The following CABLES1 variants were observed in gnomAD, a reference collection of about 807,000 sequenced individuals.
The protein encoded by CABLES1 is CDK5 and ABL1 enzyme substrate 1.
In CABLES1, 36 loss-of-function variants were observed where a neutral mutation model predicts 57.8. That is an observed-to-expected ratio of 0.62 (90% CI 0.48 to 0.82). CABLES1 has a LOEUF of 0.82. Among genes scored for constraint, CABLES1 ranks in the 40% least tolerant of loss-of-function variants. CABLES1 has a pLI of 0.00. For synonymous variants in CABLES1, 374 were observed against 363.0 expected (o/e 1.03, Z -0.35); for missense variants, 767 against 836.6 (o/e 0.92, Z 1.03).
At chr18:23,157,617 G>A (rs1000676504) in intron 1 of CABLES1, among the ~76,000 whole-genome samples, 6 of 152,144 alleles carry the variant, frequency 3.9e-5, no homozygotes, top group Non-Finnish European at 7.3e-5. Context: ...TTAAATGATG[G>A]AATTTAAATG....
intron 1 of CABLES1, among the ~76,000 whole-genome samples, chr18:23,171,067 A>T (rs1046172160): frequency 1.3e-5 from 2 of 152,168 alleles, no homozygotes; most frequent in Non-Finnish European, 2.9e-5. Flanking sequence ...AAGTGTTGGG[A>T]TTGTAGGCGT....
chr18:23,153,180 C>G (rs1414691244), intron 1 of CABLES1, among the ~76,000 whole-genome samples: 1 of 151,968 alleles, frequency 6.6e-6, no homozygotes, highest in Non-Finnish European at 1.5e-5. Flanking sequence ...ACTGCAGCCT[C>G]GACCTCCTGG....
chr18:23,212,748 G>A (rs1183056591), intron 3 of CABLES1, among the ~76,000 whole-genome samples: 8 of 152,106 alleles, frequency 5.3e-5, no homozygotes, highest in Admixed American at 5.2e-4. Flanking sequence ...CGTCTGAATG[G>A]GGAATTGGAG....
chr18:23,254,663 T>A (rs2048119732), intron 9 of CABLES1, among the ~76,000 whole-genome samples: 1 of 152,194 alleles, frequency 6.6e-6, no homozygotes, highest in African/African-American at 2.4e-5. Context: ...GTTGCTTCAG[T>A]TCTGGTGAGG....
At chr18:23,221,220 A>G (rs2047484520) in intron 4 of CABLES1, among the ~76,000 whole-genome samples, 1 of 152,262 alleles carries the variant, frequency 6.6e-6, no homozygotes, top group Non-Finnish European at 1.5e-5. Context: ...GATTTGTGGC[A>G]GGGCCACAGA....
chr18:23,257,482 C>G lies in CABLES1; in HGVS notation c.*115C>G, dbSNP rs565795548. On this transcript the variant is annotated 3_prime_UTR_variant, in exon 10 of 10. Transcript: ENST00000256925. ...CAGAATACCAGACTTTTCTTCCTCT[C>G]GACATAGTTTGGGGAGAAGCAGTAC... 8 of 1,209,764 alleles carry G rather than the reference C, an allele frequency of 6.6e-6. No homozygotes were observed. In the African/African-American group the frequency reaches 1.2e-4, roughly 19 times the overall value. 74.9% of individuals were successfully genotyped at this position (1,209,764 alleles called of 1,614,324 possible). A position where few individuals can be genotyped will look rare whatever the true frequency, so the allele number is the denominator to read the frequency against.
intron 1 of CABLES1, among the ~76,000 whole-genome samples, chr18:23,171,420 A>G (rs2047081461): frequency 6.6e-6 from 1 of 152,182 alleles, no homozygotes; most frequent in Non-Finnish European, 1.5e-5. Flanking sequence ...TCTGTCCCAG[A>G]GTGATGGAGG....
chr18:23,135,822 C>G lies in CABLES1; in HGVS notation c.60C>G (p.Thr20=). 3 of 973,210 alleles carry G rather than the reference C, an allele frequency of 3.1e-6. No homozygotes were observed. Among genetic ancestry groups the G allele is most frequent in the South Asian group, 9.2e-5 (2 of 21,734 alleles). 60.3% of individuals were successfully genotyped at this position (973,210 alleles called of 1,614,324 possible). A position where few individuals can be genotyped will look rare whatever the true frequency, so the allele number is the denominator to read the frequency against. The part of the protein sequence containing the change: ...TAACSSGSAG[T]DAAGASGLQQ... ...CCTGCAGCAGCGGCAGCGCCGGCACCGACGCCGCGGGCGCCAGCGGATTGC... is the reference window on the plus strand; with the variant it reads ...CCTGCAGCAGCGGCAGCGCCGGCACGGACGCCGCGGGCGCCAGCGGATTGC... The change falls in exon 1 of 10, where the codon ACC becomes ACG. Residue 20 remains threonine, a synonymous_variant. Coordinates refer to ENST00000256925, the MANE Select transcript of CABLES1 (RefSeq NM_001100619.3).
chr18:23,215,381 C>T (rs1363389942), intron 4 of CABLES1, among the ~76,000 whole-genome samples: 1 of 152,116 alleles, frequency 6.6e-6, no homozygotes, highest in Non-Finnish European at 1.5e-5. Context: ...CCCCAGAGGC[C>T]AGTTAATTCA....
At chr18:23,170,406 C>T (rs1053563166) in intron 1 of CABLES1, among the ~76,000 whole-genome samples, 2 of 152,208 alleles carry the variant, frequency 1.3e-5, no homozygotes, top group Admixed American at 6.5e-5. Context: ...CCACACCTGC[C>T]CTCTGGCTTC....
intron 1 of CABLES1, among the ~76,000 whole-genome samples, chr18:23,166,051 C>T (rs1288684011): frequency 1.3e-5 from 2 of 152,236 alleles, no homozygotes; most frequent in East Asian, 3.9e-4. Flanking sequence ...GTTACTAAAT[C>T]GCAAGTAGTC....
intron 7 of CABLES1, among the ~76,000 whole-genome samples, chr18:23,252,558 T>G (rs1392993659): frequency 6.6e-6 from 1 of 152,004 alleles, no homozygotes. Context: ...TGATTTGAAG[T>G]CTCCCAAAGC....
At chr18:23,150,523 A>G (rs1168011424) in intron 1 of CABLES1, among the ~76,000 whole-genome samples, 2 of 151,950 alleles carry the variant, frequency 1.3e-5, no homozygotes, top group African/African-American at 4.8e-5. Flanking sequence ...GCCAGGTCGT[A>G]GTAGTTTTTC....
At chr18:23,234,457 C>T (rs1005061258) in intron 4 of CABLES1, 151 bp from the exon 5 acceptor site, 30 of 628,194 alleles carry the variant, frequency 4.8e-5, no homozygotes, top group South Asian at 7.8e-5. Context: ...CACTGGCAAG[C>T]GCCCGAAGAG....
At chr18:23,176,396 C>A (rs539444300) in intron 1 of CABLES1, among the ~76,000 whole-genome samples, 1 of 152,276 alleles carries the variant, frequency 6.6e-6, no homozygotes, top group Admixed American at 6.5e-5. Flanking sequence ...AGAGCCCAGG[C>A]AGTAATGCTT....
intron 1 of CABLES1, chr18:23,155,975 G>A (rs764436513): frequency 3.1e-6 from 5 of 1,614,072 alleles, no homozygotes; most frequent in Non-Finnish European, 4.2e-6. Context: ...AGGATCGCCT[G>A]GGTGACCCAG....
intron 9 of CABLES1, among the ~76,000 whole-genome samples, chr18:23,256,946 A>G (rs1181537747): frequency 6.6e-6 from 1 of 152,174 alleles, no homozygotes; most frequent in African/African-American, 2.4e-5. Flanking sequence ...TAAAATAGAG[A>G]TACGGAGCAT....
intron 1 of CABLES1, among the ~76,000 whole-genome samples, chr18:23,159,410 T>G (rs988983634): frequency 1.3e-5 from 2 of 152,376 alleles, no homozygotes; most frequent in Admixed American, 6.5e-5. Context: ...CCTAAGCTGC[T>G]TGCACTGATA....
intron 1 of CABLES1, among the ~76,000 whole-genome samples, chr18:23,146,915 C>T (rs1325088887): frequency 6.6e-6 from 1 of 152,198 alleles, no homozygotes; most frequent in Admixed American, 6.5e-5. Context: ...CTCAAATCTT[C>T]TACTTGTGAG....
Sources: allele counts gnomAD v4.1 joint callset (sites outside exome capture counted in the v4.1 genomes callset), GRCh38; gene constraint gnomAD v4.1.1; transcripts MANE v1.5; gene names NCBI Gene and HGNC (gene_info 2026-07-23, HGNC 2026-07-21).